The following BDP1 variants were observed in gnomAD, a reference collection of about 807,000 sequenced individuals.
BDP1 encodes the protein transcription factor TFIIIB component B'' homolog.
BDP1 carries 169 observed loss-of-function variants against 266.6 expected under a neutral mutation model. The ratio of observed to expected loss-of-function variants is 0.63; its 90% CI spans 0.56 to 0.72. The LOEUF is 0.72. Ranked by LOEUF, BDP1 falls within the 30% of genes least tolerant of loss-of-function variation. The pLI, the probability that BDP1 is intolerant of heterozygous loss-of-function variation, is 0.00. For synonymous variants in BDP1, 1,090 were observed against 1,022.4 expected, an observed-to-expected ratio of 1.07 and a Z score of -1.26; for missense variants, 3,015 against 3,053.8, an observed-to-expected ratio of 0.99 and a Z score of 0.30.
rs753353654 is a variant in BDP1 at position 71,511,152 on chromosome 5, G to T, written c.4059+1G>T. 6.3e-7 allele frequency: 1 copy of T among 1,596,532 alleles called. No homozygotes were observed. Among genetic ancestry groups the T allele is most frequent in the Non-Finnish European group, 8.5e-7 (1 of 1,175,226 alleles). ...TGCTGTGCCTTCACTAGATATTCAG[G>T]TATGTATTTTTCTGTCCTTTAAAAG... On this transcript the variant is annotated splice_donor_variant, in intron 17 of 38. Coordinates refer to ENST00000358731, the MANE Select transcript of BDP1 (RefSeq NM_018429.3). LOFTEE classifies it high-confidence loss of function.
intron 22 of BDP1, among the ~76,000 whole-genome samples, chr5:71,519,762 C>T (rs1765403340): frequency 1.3e-5 from 2 of 152,224 alleles, no homozygotes; most frequent in Non-Finnish European, 2.9e-5. Context: ...GTGAATACCA[C>T]TGCAGTAAAC....
In BDP1 at chr5:71,522,281, C is replaced by G; in HGVS notation, c.4992-8C>G. The G allele has an allele frequency of 6.2e-7, 1 of 1,606,340 alleles. No individual in the cohort carries two copies. Among genetic ancestry groups the G allele is most frequent in the Non-Finnish European group, 8.5e-7 (1 of 1,176,404 alleles). On this transcript the variant is annotated splice_polypyrimidine_tract_variant and splice_region_variant and intron_variant, in intron 22 of 38. Transcript: ENST00000358731. ...TTGTTCTTCAACATGATTCATACTT[C>G]ATTCTAGACATGAAAATAAACCGTA...
intron 1 of BDP1, among the ~76,000 whole-genome samples, chr5:71,458,218 A>G (rs969460074): frequency 6.6e-6 from 1 of 152,074 alleles, no homozygotes; most frequent in Non-Finnish European, 1.5e-5. Flanking sequence ...TAAATTTTAT[A>G]TAGAAATTAA....
intron 31 of BDP1, 22 bp downstream of exon 31, chr5:71,544,529 G>C: frequency 6.3e-7 from 1 of 1,598,928 alleles, no homozygotes; most frequent in Non-Finnish European, 8.5e-7. Context: ...AAGAGGTTCT[G>C]AGATTCAGTT....
At chr5:71,521,314 CAG>C (rs1174728437) in intron 22 of BDP1, among the ~76,000 whole-genome samples, 1 of 123,826 alleles carries the variant, frequency 8.1e-6, no homozygotes, top group Non-Finnish European at 1.6e-5. Context: ...TTTTTGGAGA[CAG>C]AGTTTTGCTC....
chr5:71,478,432 G>GT (rs1762730986), intron 7 of BDP1, among the ~76,000 whole-genome samples: 1 of 152,120 alleles, frequency 6.6e-6, no homozygotes, highest in South Asian at 2.1e-4. Flanking sequence ...CAGGTCTACT[G>GT]TTGAAAAATT....
chr5:71,523,852 A>AAC, intron 24 of BDP1, 87 bp from the exon 25 acceptor site: 1 of 1,309,236 alleles, frequency 7.6e-7, no homozygotes, highest in Non-Finnish European at 1.0e-6. Flanking sequence ...AATGACTGGA[A>AAC]CTGGAATTTC....
At chr5:71,475,014 CT>C (rs1375239236) in intron 7 of BDP1, among the ~76,000 whole-genome samples, 2 of 152,098 alleles carry the variant, frequency 1.3e-5, no homozygotes, top group Non-Finnish European at 2.9e-5. Flanking sequence ...TATTGGTAGT[CT>C]TTTTCTTCTC....
intron 38 of BDP1, 51 bp from the exon 39 acceptor site, chr5:71,564,703 T>A: frequency 6.8e-7 from 1 of 1,467,310 alleles, no homozygotes; most frequent in Non-Finnish European, 9.4e-7. Flanking sequence ...CATATATATA[T>A]AAATGTTGTA....
At chr5:71,538,939 T>C in intron 26 of BDP1, 103 bp from the exon 27 acceptor site, 2 of 750,742 alleles carry the variant, frequency 2.7e-6, no homozygotes, top group Non-Finnish European at 4.6e-6. Context: ...TACACTATTG[T>C]AGCTAAAAGT....
intron 38 of BDP1, chr5:71,562,822 C>G: frequency 3.8e-6 from 5 of 1,323,064 alleles, no homozygotes; most frequent in Non-Finnish European, 4.9e-6. Flanking sequence ...CTGACACCCA[C>G]AAGAATTTAA....
intron 6 of BDP1, among the ~76,000 whole-genome samples, chr5:71,469,039 G>A (rs1210202189): frequency 6.6e-6 from 1 of 152,168 alleles, no homozygotes; most frequent in Non-Finnish European, 1.5e-5. Context: ...AAAAACAGTA[G>A]TTTTGAGGAA....
intron 1 of BDP1, among the ~76,000 whole-genome samples, chr5:71,456,963 C>A (rs1012429047): frequency 6.6e-6 from 1 of 152,162 alleles, no homozygotes; most frequent in Non-Finnish European, 1.5e-5. Flanking sequence ...TTTGGAACAT[C>A]TTCCTCTATT....
At chr5:71,551,786 C>A (rs1281979047) in intron 34 of BDP1, among the ~76,000 whole-genome samples, 1 of 146,908 alleles carries the variant, frequency 6.8e-6, no homozygotes, top group Non-Finnish European at 1.5e-5. Context: ...CTGACCCCCC[C>A]ACCTCCCTCC....
chr5:71,577,476 A>T, the BDP1 span, among the ~76,000 whole-genome samples: 1 of 152,234 alleles, frequency 6.6e-6, no homozygotes. Context: ...TGGTTAGGGG[A>T]ACAAGTACAA....
At chr5:71,558,122 AT>A (rs555462845) in intron 36 of BDP1, among the ~76,000 whole-genome samples, 201 of 152,276 alleles carry the variant, frequency 1.3e-3, no homozygotes, top group Admixed American at 2.1e-3. Context: ...ACCTATAGCC[AT>A]TGCTTTACCA....
intron 7 of BDP1, among the ~76,000 whole-genome samples, chr5:71,480,061 C>T (rs940770628): frequency 1.3e-5 from 2 of 152,074 alleles, no homozygotes; most frequent in Non-Finnish European, 2.9e-5. Flanking sequence ...TCTCCTTCCT[C>T]AGCCTCCTGA....
chr5:71,545,027 A>C lies in BDP1; in HGVS notation c.6564-12A>C. 6.2e-7 allele frequency: 1 copy of C among 1,612,264 alleles called. No homozygotes were observed. The highest frequency in any genetic ancestry group is 1.1e-5 in the South Asian group (1 of 90,872). On this transcript the variant is annotated splice_polypyrimidine_tract_variant and intron_variant, in intron 31 of 38. Transcript: ENST00000358731. ...TGATTTCAAATGACATGCATGCTAA[A>C]CTCTCTTTCAGAAACGAAAATCAAG...
intron 19 of BDP1, among the ~76,000 whole-genome samples, chr5:71,514,426 A>T (rs1765111601): frequency 6.6e-6 from 1 of 152,148 alleles, no homozygotes; most frequent in African/African-American, 2.4e-5. Context: ...CCTTTCCCCC[A>T]AGTTAATCAT....
Sources: allele counts gnomAD v4.1 joint callset (sites outside exome capture counted in the v4.1 genomes callset), GRCh38; gene constraint gnomAD v4.1.1; transcripts MANE v1.5; gene names NCBI Gene and HGNC (gene_info 2026-07-23, HGNC 2026-07-21).